The following TBC1D19 variants were observed in gnomAD, a reference collection of about 807,000 sequenced individuals.
TBC1D19 encodes the protein TBC1 domain family, member 19.
Under a neutral mutation model 89.0 loss-of-function variants are expected in TBC1D19, and 60 were observed. The ratio of observed to expected loss-of-function variants is 0.67; its 90% CI spans 0.55 to 0.84. The LOEUF (loss-of-function observed/expected upper bound fraction) is 0.84. TBC1D19 is among the 40% of genes least tolerant of loss of function. TBC1D19 has a pLI of 0.00. For synonymous variants in TBC1D19, 189 were observed against 199.7 expected, an observed-to-expected ratio of 0.95 and a Z score of 0.45; for missense variants, 500 against 610.8, an observed-to-expected ratio of 0.82 and a Z score of 1.91.
At chr4:26,856,883 G>C in the TBC1D19 span, among the ~76,000 whole-genome samples, 2 of 152,224 alleles carry the variant, frequency 1.3e-5, no homozygotes, top group East Asian at 3.9e-4. Context: ...GATTGCACCG[G>C]GCTTTAGCGG....
At chr4:26,670,818 A>G (rs1276974908) in intron 9 of TBC1D19, among the ~76,000 whole-genome samples, 1 of 151,614 alleles carries the variant, frequency 6.6e-6, no homozygotes, top group African/African-American at 2.4e-5. Context: ...ATGAAATCAT[A>G]TAGTATATAC....
chr4:26,614,755 G>A (rs1015454656), intron 3 of TBC1D19, among the ~76,000 whole-genome samples: 1 of 152,034 alleles, frequency 6.6e-6, no homozygotes, highest in Non-Finnish European at 1.5e-5. Context: ...TGGCTTAACT[G>A]AAACCTCCGC....
chr4:26,634,800 T>C (rs1743025497), intron 4 of TBC1D19, among the ~76,000 whole-genome samples: 1 of 152,270 alleles, frequency 6.6e-6, no homozygotes, highest in Non-Finnish European at 1.5e-5. Context: ...GTCTAGGCTA[T>C]ATGGTTTGTC....
rs780183792 is a variant in TBC1D19, at chr4:26,739,985, AG to A, written c.1227+13del. ...CTTCTCATCCTTCTGTAAGTTCATA[AG>A]AAAAACTTGATCAAATTAGGTTGGA... On this transcript the variant is annotated intron_variant, in intron 17 of 20. Coordinates refer to ENST00000264866, the MANE Select transcript of TBC1D19 (RefSeq NM_018317.4). 157 of 1,510,884 alleles carry A rather than the reference AG, an allele frequency of 1.0e-4. No individual in the cohort carries two copies. The East Asian group carries it at 1.1e-3, about 11-fold the overall frequency. The allele number at this position is 1,510,884 out of a possible 1,614,324, so 93.6% of individuals were successfully genotyped here.
At chr4:26,636,050 C>T (rs986135285) in intron 4 of TBC1D19, among the ~76,000 whole-genome samples, 7 of 152,166 alleles carry the variant, frequency 4.6e-5, no homozygotes, top group Middle Eastern at 3.4e-3. Flanking sequence ...CATGTATTAA[C>T]ATCTTTAATC....
chr4:26,602,508 C>G (rs1185409794), intron 1 of TBC1D19, among the ~76,000 whole-genome samples: 1 of 134,926 alleles, frequency 7.4e-6, no homozygotes, highest in Non-Finnish European at 1.5e-5. Context: ...GTGGCACGAT[C>G]TCAGCTCACT....
At chr4:26,840,752 T>C in the TBC1D19 span, among the ~76,000 whole-genome samples, 1 of 152,216 alleles carries the variant, frequency 6.6e-6, no homozygotes, top group South Asian at 2.1e-4. Context: ...GCTGCTATCT[T>C]GAAATTCTTA....
chr4:26,748,591 A>G, intron 19 of TBC1D19, 65 bp downstream of exon 19: 1 of 1,142,856 alleles, frequency 8.8e-7, no homozygotes. Flanking sequence ...TTTCTTCCTA[A>G]CATTCACCAT....
chr4:26,831,484 A>C, the TBC1D19 span, among the ~76,000 whole-genome samples: 1 of 151,510 alleles, frequency 6.6e-6, no homozygotes, highest in East Asian at 1.9e-4. Flanking sequence ...TTTCAATAAA[A>C]CCTCATTTGC....
At chr4:26,727,391 G>A (rs1259621872) in intron 15 of TBC1D19, among the ~76,000 whole-genome samples, 2 of 152,126 alleles carry the variant, frequency 1.3e-5, no homozygotes, top group African/African-American at 2.4e-5. Context: ...GGAGCCTTAA[G>A]CCCAGACTAA....
At chr4:26,799,792 T>C in the TBC1D19 span, among the ~76,000 whole-genome samples, 1 of 152,158 alleles carries the variant, frequency 6.6e-6, no homozygotes, top group Admixed American at 6.5e-5. Context: ...ATTCCTGTTG[T>C]TTATACATTA....
At chr4:26,705,709 G>T (rs1715685873) in intron 13 of TBC1D19, among the ~76,000 whole-genome samples, 1 of 152,054 alleles carries the variant, frequency 6.6e-6, no homozygotes, top group Admixed American at 6.6e-5. Flanking sequence ...TTTCTAGGAA[G>T]TTTTTAAATC....
chr4:26,660,978 G>A (rs1745188947), intron 8 of TBC1D19, among the ~76,000 whole-genome samples: 1 of 152,184 alleles, frequency 6.6e-6, no homozygotes. Context: ...GAAGCAATAT[G>A]ATTTTCTCCA....
chr4:26,713,001 C>T (rs1053096530), intron 13 of TBC1D19, among the ~76,000 whole-genome samples: 32 of 151,980 alleles, frequency 2.1e-4, no homozygotes, highest in Non-Finnish European at 2.4e-4. Flanking sequence ...TGGACATCTT[C>T]GGGGGCCATT....
At chr4:26,728,117 C>G (rs1717423484) in intron 15 of TBC1D19, among the ~76,000 whole-genome samples, 1 of 152,164 alleles carries the variant, frequency 6.6e-6, no homozygotes. Flanking sequence ...CTAGGGTATT[C>G]TTACACTTAG....
chr4:26,658,566 G>A (rs1372793526), intron 7 of TBC1D19, among the ~76,000 whole-genome samples: 1 of 152,142 alleles, frequency 6.6e-6, no homozygotes. Flanking sequence ...TCTTGACTAT[G>A]CGGGCTCTTT....
At chr4:26,851,311 A>ATCTATCTATCTATCTATCTGTCTGTCTG in the TBC1D19 span, among the ~76,000 whole-genome samples, 3 of 114,790 alleles carry the variant, frequency 2.6e-5, no homozygotes, top group African/African-American at 8.8e-5. Context: ...TACCCTATCT[A>ATCTATCTATCTATCTATCTGTCTGTCTG]TCTATCTATC....
intron 18 of TBC1D19, among the ~76,000 whole-genome samples, chr4:26,747,651 T>C (rs945830373): frequency 6.6e-6 from 1 of 152,198 alleles, no homozygotes; most frequent in African/African-American, 2.4e-5. Flanking sequence ...TAGATGCTAA[T>C]AGATAATACA....
intron 1 of TBC1D19, among the ~76,000 whole-genome samples, chr4:26,588,133 C>T (rs1739537013): frequency 6.7e-6 from 1 of 150,174 alleles, no homozygotes; most frequent in Admixed American, 6.7e-5. Context: ...TCACGCCATT[C>T]TTCTACCTCA....
Sources: gnomAD v4.1 joint callset for allele counts (sites outside exome capture counted in the v4.1 genomes callset) on GRCh38, gnomAD v4.1.1 for gene constraint, MANE v1.5 for transcripts, NCBI Gene and HGNC (gene_info 2026-07-23, HGNC 2026-07-21) for gene names.